Variants in CERS6 observed in about 807,000 individuals in gnomAD.
CERS6 encodes the protein ceramide synthase 6.
In CERS6, 26 loss-of-function variants were observed where a neutral mutation model predicts 56.8. The ratio of observed to expected loss-of-function variants is 0.46; its 90% CI spans 0.34 to 0.63. CERS6 has a LOEUF of 0.63. Among genes scored for constraint, CERS6 ranks in the 30% least tolerant of loss-of-function variants. CERS6 has a pLI of 0.01. For missense variants in CERS6, 415 were observed against 467.5 expected, an observed-to-expected ratio of 0.89 and a Z score of 1.04; for synonymous variants, 164 against 173.3, an observed-to-expected ratio of 0.95 and a Z score of 0.42.
At chr2:168,581,328 T>C (rs1458922780) in intron 3 of CERS6, among the ~76,000 whole-genome samples, 2 of 152,244 alleles carry the variant, frequency 1.3e-5, no homozygotes, top group Admixed American at 1.3e-4. Flanking sequence ...CCAATTGCTA[T>C]CTTTATCAGT....
At chr2:168,707,227 G>A (rs1306230493) in intron 6 of CERS6, among the ~76,000 whole-genome samples, 1 of 152,140 alleles carries the variant, frequency 6.6e-6, no homozygotes, top group Non-Finnish European at 1.5e-5. Flanking sequence ...AAGTTTGTGT[G>A]TTACAGTTAT....
At chr2:168,687,409 C>T (rs114072917) in intron 4 of CERS6, among the ~76,000 whole-genome samples, 3,123 of 152,212 alleles carry the variant, frequency 0.021, 59 homozygotes, top group Non-Finnish European at 0.03. Flanking sequence ...AAGTGTGGTC[C>T]GTGGCCTAAT....
rs1039253516 is a variant in CERS6, at chr2:168,694,197, T to A, written c.517-762T>A. On this transcript the variant is annotated intron_variant, in intron 5 of 9. Coordinates refer to ENST00000305747, the MANE Select transcript of CERS6 (RefSeq NM_203463.3). ...TGTTTTTTGAAAACTCTCTTGTTTT[T>A]AGTGGGATTATGTGCAAAATAAATA... is the stretch of plus-strand genomic sequence containing the variant. Among the ~76,000 whole-genome samples the A allele has an allele frequency of 6.6e-5, 10 of 152,294 alleles. No individual in the cohort carries two copies. The East Asian group carries it at 1.7e-3, about 26-fold the overall frequency.
chr2:168,513,330 G>A (rs1694828249), intron 1 of CERS6, among the ~76,000 whole-genome samples: 1 of 152,184 alleles, frequency 6.6e-6, no homozygotes, highest in Middle Eastern at 3.4e-3. Flanking sequence ...ACTTTATTCA[G>A]AATGTCTTAG....
chr2:168,486,932 T>G (rs1694287069), intron 1 of CERS6, among the ~76,000 whole-genome samples: 1 of 151,914 alleles, frequency 6.6e-6, no homozygotes, highest in Non-Finnish European at 1.5e-5. Context: ...GTAAATGAAT[T>G]TAATAAATTC....
intron 8 of CERS6, among the ~76,000 whole-genome samples, chr2:168,732,641 G>A (rs535078415): frequency 6.6e-5 from 10 of 152,088 alleles, no homozygotes; most frequent in Non-Finnish European, 1.2e-4. Context: ...TGTTGTCTGG[G>A]TTGAACTCTC....
chr2:168,629,134 T>C (rs1684654930), intron 3 of CERS6, among the ~76,000 whole-genome samples: 1 of 152,240 alleles, frequency 6.6e-6, no homozygotes, highest in Admixed American at 6.5e-5. Context: ...TCAGTATTCC[T>C]ATAATAGAAT....
At chr2:168,735,281 C>T (rs1161283280) in intron 8 of CERS6, among the ~76,000 whole-genome samples, 1 of 151,478 alleles carries the variant, frequency 6.6e-6, no homozygotes, top group Non-Finnish European at 1.5e-5. Context: ...AGACTACTTC[C>T]ACACCCCTGC....
intron 2 of CERS6, among the ~76,000 whole-genome samples, chr2:168,550,333 AC>A (rs994147307): frequency 6.6e-6 from 1 of 151,910 alleles, no homozygotes; most frequent in Non-Finnish European, 1.5e-5. Flanking sequence ...GGGCCACCAC[AC>A]CTGGCTAATG....
intron 3 of CERS6, among the ~76,000 whole-genome samples, chr2:168,566,149 A>G (rs899574108): frequency 6.6e-6 from 1 of 152,236 alleles, no homozygotes; most frequent in African/African-American, 2.4e-5. Context: ...TACATTTCAT[A>G]GCACAGGTCT....
intron 4 of CERS6, among the ~76,000 whole-genome samples, chr2:168,679,703 A>C (rs1162197134): frequency 1.3e-5 from 2 of 152,214 alleles, no homozygotes; most frequent in Non-Finnish European, 2.9e-5. Flanking sequence ...TCATTGGCCA[A>C]CGCTGTCAAT....
In CERS6 at chr2:168,774,527, A is replaced by G. The variant is rs1208950440; in HGVS notation, c.*4865A>G. 1.3e-5 allele frequency: 2 copies of G among 152,056 alleles called. No individual in the cohort carries two copies. Among genetic ancestry groups the G allele is most frequent in the African/African-American group, 4.8e-5 (2 of 41,394 alleles). The allele number at this position is 152,056 out of a possible 1,614,324, so 9.4% of individuals were successfully genotyped here. ...AAACCAGGGAGCAGCAACTATTGAGATGGTTTCTGTGTTCAGTGAAAAATT... is the reference window on the plus strand; with the variant it reads ...AAACCAGGGAGCAGCAACTATTGAGGTGGTTTCTGTGTTCAGTGAAAAATT... On this transcript the variant is annotated 3_prime_UTR_variant, in exon 10 of 10. Coordinates refer to ENST00000305747, the MANE Select transcript of CERS6 (RefSeq NM_203463.3).
At chr2:168,495,916 T>A (rs760466922) in intron 1 of CERS6, among the ~76,000 whole-genome samples, 3 of 152,154 alleles carry the variant, frequency 2.0e-5, no homozygotes, top group Non-Finnish European at 4.4e-5. Flanking sequence ...AAAACTTAAG[T>A]CTCCATCCCC....
intron 4 of CERS6, among the ~76,000 whole-genome samples, chr2:168,653,589 A>T (rs1412154860): frequency 2.0e-5 from 3 of 152,220 alleles, no homozygotes; most frequent in African/African-American, 7.2e-5. Context: ...GTTTTCAATT[A>T]TCTCTTCCAT....
At chr2:168,719,868 TC>T (rs1416065497) in intron 8 of CERS6, among the ~76,000 whole-genome samples, 1 of 151,962 alleles carries the variant, frequency 6.6e-6, no homozygotes, top group Non-Finnish European at 1.5e-5. Context: ...TACTAAAGGT[TC>T]TTTTTTTTTT....
At chr2:168,493,116 A>G (rs1694403092) in intron 1 of CERS6, among the ~76,000 whole-genome samples, 1 of 152,182 alleles carries the variant, frequency 6.6e-6, no homozygotes, top group Non-Finnish European at 1.5e-5. Flanking sequence ...CCTTGCAAAC[A>G]TAATTTTTTA....
chr2:168,767,211 C>T (rs1221918840), intron 9 of CERS6, among the ~76,000 whole-genome samples: 2 of 152,176 alleles, frequency 1.3e-5, no homozygotes, highest in Non-Finnish European at 2.9e-5. Flanking sequence ...TCTCAGGCTT[C>T]AGAATATCTT....
At chr2:168,606,228 C>T (rs1684050127) in intron 3 of CERS6, among the ~76,000 whole-genome samples, 1 of 152,216 alleles carries the variant, frequency 6.6e-6, no homozygotes, top group Non-Finnish European at 1.5e-5. Flanking sequence ...TATTTTGGAG[C>T]TTTAAGATTT....
chr2:168,493,552 C>G (rs1012671784), intron 1 of CERS6, among the ~76,000 whole-genome samples: 60 of 152,198 alleles, frequency 3.9e-4, no homozygotes, highest in Admixed American at 3.3e-4. Flanking sequence ...CAGACCCCAT[C>G]TCTGTCCTCT....
Sources: allele counts gnomAD v4.1 joint callset (sites outside exome capture counted in the v4.1 genomes callset), GRCh38; gene constraint gnomAD v4.1.1; transcripts MANE v1.5; gene names NCBI Gene and HGNC (gene_info 2026-07-23, HGNC 2026-07-21).